Variants in IL1R2 observed in about 807,000 individuals in gnomAD.
IL1R2 encodes interleukin 1 receptor type 2, also known as interleukin-1 receptor type 2.
In IL1R2, 46 loss-of-function variants were observed where a neutral mutation model predicts 39.5. That is an observed-to-expected ratio of 1.16 (90% confidence interval 0.92 to 1.49). IL1R2 has a LOEUF of 1.49. Ranked by LOEUF, IL1R2 falls within the 40% of genes most tolerant of loss-of-function variation. The probability of loss-of-function intolerance (pLI) is 0.00; values close to 1 mark genes in which losing one functional copy is unlikely to be tolerated. For missense variants in IL1R2, 537 were observed against 502.0 expected, an observed-to-expected ratio of 1.07 and a Z score of -0.67; for synonymous variants, 207 against 189.6, an observed-to-expected ratio of 1.09 and a Z score of -0.75.
At chr2:102,016,327 C>T (rs909138001) in intron 4 of IL1R2, 1 of 260,948 alleles carries the variant, frequency 3.8e-6, no homozygotes, top group East Asian at 7.2e-5. Flanking sequence ...TCACATGCTG[C>T]ATGACAAAGT....
At chr2:102,010,112 C>T (rs1370435625) in intron 3 of IL1R2, 6 of 414,434 alleles carry the variant, frequency 1.4e-5, no homozygotes, top group South Asian at 3.3e-5. Flanking sequence ...AGTTTCCTTG[C>T]GATAAGATTT....
rs770663605 is a variant in IL1R2 at position 102,015,905 on chromosome 2, C to G, written c.367C>G (p.Leu123Val). 2 of 1,613,902 alleles carry G rather than the reference C, an allele frequency of 1.2e-6. No homozygotes were observed. Among genetic ancestry groups the G allele is most frequent in the East Asian group, 4.5e-5 (2 of 44,866 alleles). The change falls in exon 4 of 9, where the codon CTC becomes GTC. Residue 123 changes from leucine to valine, a missense_variant. Physicochemically the swap from Leu to Val is conservative, Grantham distance 32. Transcript: ENST00000332549. ...TTACTGTGACAAAATGTCCATTGAG[C>G]TCAGAGTTTTTGAGAATACAGATGC... Reference protein sequence around the residue: ...ASYCDKMSIELRVFENTDAFL... With the variant: ...ASYCDKMSIEVRVFENTDAFL...
rs192467108 is a variant in IL1R2 at position 102,022,291 on chromosome 2, G to A, written c.751+42G>A. On this transcript the variant is annotated intron_variant, in intron 6 of 8. Coordinates refer to ENST00000332549, the MANE Select transcript of IL1R2 (RefSeq NM_004633.4). The stretch of plus-strand genomic sequence containing the variant: ...CCATGCATTCCACGCACCTGTGGGG[G>A]TGCCTGGTATCCCAATGCAGGGGGC... 38 of 1,538,510 alleles carry A rather than the reference G, an allele frequency of 2.5e-5. No individual in the cohort carries two copies. The African/African-American group carries it at 4.6e-4, about 19-fold the overall frequency.
In IL1R2 at chr2:102,028,252, G is replaced by T; in HGVS notation, c.1057G>T (p.Val353Leu). 6.2e-7 allele frequency: 1 copy of T among 1,611,978 alleles called. No individual in the cohort carries two copies. Among genetic ancestry groups the T allele is most frequent in the Non-Finnish European group, 8.5e-7 (1 of 1,179,142 alleles). Residue 353 changes from valine (V) to leucine (L), a missense_variant, in exon 9 of 9, where the codon GTG becomes TTG. Transcript: ENST00000332549. ...CTCCTCCACGTTCTCCTGGGGCATT[G>T]TGCTGGCCCCACTTTCACTGGCCTT... ...EASSTFSWGI[V>L]LAPLSLAFLV...
chr2:102,005,982 T>C (rs1047105559), intron 1 of IL1R2, among the ~76,000 whole-genome samples: 2 of 152,214 alleles, frequency 1.3e-5, no homozygotes, highest in African/African-American at 4.8e-5. Flanking sequence ...ATACATCCTC[T>C]GTAAAATCAG....
At chr2:102,021,305 CTTT>C (rs546019141) in intron 5 of IL1R2, among the ~76,000 whole-genome samples, 3 of 122,838 alleles carry the variant, frequency 2.4e-5, no homozygotes, top group Admixed American at 8.4e-5. Flanking sequence ...CTTTTCTTTT[CTTT>C]TTTTTTTTTT....
At chr2:102,000,259 A>C (rs917008313) in intron 1 of IL1R2, among the ~76,000 whole-genome samples, 1 of 151,844 alleles carries the variant, frequency 6.6e-6, no homozygotes, top group Non-Finnish European at 1.5e-5. Context: ...TGTGACATCT[A>C]CTCCTCCTGT....
intron 4 of IL1R2, among the ~76,000 whole-genome samples, chr2:102,017,982 C>T (rs186910165): frequency 6.6e-6 from 1 of 152,334 alleles, no homozygotes; most frequent in East Asian, 1.9e-4. Flanking sequence ...TTTGTAACTA[C>T]AGCATCTCTA....
At chr2:102,003,192 GTGTCTA>G (rs1282627857) in intron 1 of IL1R2, among the ~76,000 whole-genome samples, 1 of 119,478 alleles carries the variant, frequency 8.4e-6, no homozygotes, top group Non-Finnish European at 2.0e-5. Context: ...GTCTCTGTCT[GTGTCTA>G]TGTCTATGTC....
Position 102,020,760 on chromosome 2 carries a change from C to T in IL1R2, c.688+948C>T, listed in dbSNP as rs545575519. ...TCCTGAGGCTTTCCGTGGACCGGCA[C>T]GGTCCTGTCTCTGCGATACTGTGCA... On this transcript the variant is annotated intron_variant, in intron 5 of 8. Transcript: ENST00000332549. Among the ~76,000 whole-genome samples, 102 of 152,260 alleles carry T rather than the reference C, an allele frequency of 6.7e-4. 1 individual carries two copies. Among genetic ancestry groups the T allele is most frequent in the South Asian group, 5.2e-3 (25 of 4,822 alleles).
At chr2:102,009,435 T>C (rs1676474817) in intron 2 of IL1R2, 127 bp from the exon 3 acceptor site, 2 of 1,038,228 alleles carry the variant, frequency 1.9e-6, no homozygotes, top group African/African-American at 3.2e-5. Context: ...TAGGGACAAA[T>C]GACATCTTTC....
intron 5 of IL1R2, 106 bp from the exon 6 acceptor site, chr2:102,022,081 C>T: frequency 3.4e-6 from 3 of 885,376 alleles, no homozygotes; most frequent in South Asian, 2.8e-5. Context: ...TAATGACTGG[C>T]CATACTGGAA....
At chr2:102,016,280 A>C in intron 4 of IL1R2, 1 of 389,600 alleles carries the variant, frequency 2.6e-6, no homozygotes, top group Non-Finnish European at 4.7e-6. Flanking sequence ...AATACAAATA[A>C]TACAAATAAG....
Position 102,009,977 on chromosome 2 carries a change from C to A in IL1R2, c.332+151C>A, listed in dbSNP as rs114885990. 17 of 825,126 alleles carry A rather than the reference C, an allele frequency of 2.1e-5. No homozygotes were observed. The Admixed American group carries it at 2.4e-4, about 11-fold the overall frequency. The allele number at this position is 825,126 out of a possible 1,614,324, so 51.1% of individuals were successfully genotyped here. On this transcript the variant is annotated intron_variant, in intron 3 of 8. Transcript: ENST00000332549. ...ATCCCGTTTGCTGTTCCTGACACCC[C>A]CCCCAACCCTACAGTCTCATTCTGT...
chr2:102,003,084 G>A (rs377737605), intron 1 of IL1R2, among the ~76,000 whole-genome samples: 7 of 114,132 alleles, frequency 6.1e-5, no homozygotes, highest in Admixed American at 5.5e-4. Flanking sequence ...GGCTGTGTCC[G>A]TGTCTGTGTC....
intron 8 of IL1R2, among the ~76,000 whole-genome samples, chr2:102,026,762 A>T (rs1353116415): frequency 1.3e-5 from 2 of 152,234 alleles, no homozygotes; most frequent in African/African-American, 4.8e-5. Context: ...TAAAAAGAAG[A>T]AGAGGAAAAC....
At chr2:102,022,035 AGCCT>A (rs1290378250) in intron 5 of IL1R2, 148 bp from the exon 6 acceptor site, 5 of 665,984 alleles carry the variant, frequency 7.5e-6, no homozygotes, top group Admixed American at 5.3e-5. Flanking sequence ...TTTTGTAGAG[AGCCT>A]GTTTCCTTTG....
chr2:102,008,859 CAA>C (rs763395048), intron 2 of IL1R2, among the ~76,000 whole-genome samples: 2 of 58,004 alleles, frequency 3.4e-5, no homozygotes, highest in Non-Finnish European at 4.0e-5. Context: ...CACGTCTCTA[CAA>C]AAAAAAAAAA....
intron 1 of IL1R2, among the ~76,000 whole-genome samples, chr2:102,003,385 C>T (rs1676040374): frequency 9.1e-6 from 1 of 110,376 alleles, no homozygotes; most frequent in East Asian, 2.9e-4. Flanking sequence ...AGTGTCTAGG[C>T]CTATGTCTAT....
Sources: allele counts gnomAD v4.1 joint callset (sites outside exome capture counted in the v4.1 genomes callset), GRCh38; gene constraint gnomAD v4.1.1; transcripts MANE v1.5; gene names NCBI Gene and HGNC (gene_info 2026-07-23, HGNC 2026-07-21).